The following DOCK1 variants were observed in gnomAD, a reference collection of about 807,000 sequenced individuals.
DOCK1 encodes the protein dedicator of cytokinesis protein 1.
DOCK1 carries 138 observed loss-of-function variants against 262.7 expected under a neutral mutation model. That is an observed-to-expected ratio of 0.53 (90% confidence interval 0.46 to 0.61). The LOEUF (loss-of-function observed/expected upper bound fraction) is 0.61. Ranked by LOEUF, DOCK1 falls within the 20% of genes least tolerant of loss-of-function variation. The probability of loss-of-function intolerance (pLI) is 0.00; values close to 1 mark genes in which losing one functional copy is unlikely to be tolerated. For missense variants in DOCK1, 1,908 were observed against 2,370.7 expected (o/e 0.80, Z 4.05); for synonymous variants, 866 against 867.4 (o/e 1.00, Z 0.03).
At chr10:127,332,196 G>A (rs2063014574) in intron 29 of DOCK1, among the ~76,000 whole-genome samples, 1 of 152,192 alleles carries the variant, frequency 6.6e-6, no homozygotes, top group Non-Finnish European at 1.5e-5. Context: ...CCCAAGTGGG[G>A]ATGACACGGC....
intron 7 of DOCK1, 144 bp downstream of exon 7, chr10:126,997,027 G>A (rs2040247341): frequency 5.5e-6 from 5 of 901,360 alleles, no homozygotes; most frequent in Non-Finnish European, 6.3e-6. Context: ...ACAGTCATGA[G>A]TGGAATGGAG....
intron 1 of DOCK1, among the ~76,000 whole-genome samples, chr10:126,934,690 C>CT (rs1227817855): frequency 1.4e-5 from 2 of 146,742 alleles, no homozygotes; most frequent in Admixed American, 6.8e-5. Flanking sequence ...TGCTGTGAGT[C>CT]TAACTTTGTG....
At chr10:127,039,250 T>C (rs1056566504) in intron 19 of DOCK1, among the ~76,000 whole-genome samples, 1 of 150,178 alleles carries the variant, frequency 6.7e-6, no homozygotes, top group Admixed American at 6.8e-5. Context: ...TAAACTTCCC[T>C]GTGTTCTGTA....
chr10:126,983,485 T>A lies in DOCK1; in HGVS notation c.227+1512T>A, dbSNP rs1393818060. 2.0e-5 allele frequency among the ~76,000 whole-genome samples: 3 copies of A among 152,216 alleles called. No homozygotes were observed. The South Asian group carries it at 6.2e-4, about 32-fold the overall frequency. ...CTGTCTCTCTTGCAGAGTCTGTCTC[T>A]TTCAGGATCTGTCTCTTGCTGGTCT... On this transcript the variant is annotated intron_variant, in intron 4 of 51. Coordinates refer to ENST00000623213, the MANE Select transcript of DOCK1 (RefSeq NM_001290223.2).
chr10:127,088,052 T>C (rs2047301404), intron 23 of DOCK1, among the ~76,000 whole-genome samples: 1 of 152,234 alleles, frequency 6.6e-6, no homozygotes, highest in Non-Finnish European at 1.5e-5. Context: ...TACAAATGCG[T>C]AGTGAAAGGC....
intron 29 of DOCK1, among the ~76,000 whole-genome samples, chr10:127,259,856 C>G (rs1424736585): frequency 6.7e-6 from 1 of 150,074 alleles, no homozygotes; most frequent in Non-Finnish European, 1.5e-5. Flanking sequence ...GCATCATTCT[C>G]TCTTCCTACT....
chr10:127,226,079 C>CAAAA (rs58963480), intron 27 of DOCK1, among the ~76,000 whole-genome samples: 1 of 94,606 alleles, frequency 1.1e-5, no homozygotes, highest in African/African-American at 3.8e-5. Context: ...GACTCTGTCT[C>CAAAA]AAAAAAAAAA....
chr10:127,052,997 C>T (rs564979244), intron 22 of DOCK1, among the ~76,000 whole-genome samples, 182 bp downstream of exon 22: 3 of 152,278 alleles, frequency 2.0e-5, no homozygotes, highest in South Asian at 2.1e-4. Context: ...CTTTCCTTAC[C>T]CGCCTGGGTC....
At chr10:127,225,805 A>G (rs2058613122) in intron 27 of DOCK1, among the ~76,000 whole-genome samples, 1 of 152,170 alleles carries the variant, frequency 6.6e-6, no homozygotes, top group Non-Finnish European at 1.5e-5. Flanking sequence ...TTGGACGGGC[A>G]TGGTGGCTCA....
chr10:127,309,552 C>G (rs1334569994), intron 29 of DOCK1, among the ~76,000 whole-genome samples: 1 of 152,096 alleles, frequency 6.6e-6, no homozygotes, highest in Non-Finnish European at 1.5e-5. Context: ...AGGTTTTCTT[C>G]TAGGGTTTTT....
At chr10:127,062,959 G>A (rs1336742026) in intron 23 of DOCK1, among the ~76,000 whole-genome samples, 1 of 152,114 alleles carries the variant, frequency 6.6e-6, no homozygotes, top group African/African-American at 2.4e-5. Flanking sequence ...CTCACATGAG[G>A]CCTGAGTGTT....
intron 29 of DOCK1, among the ~76,000 whole-genome samples, chr10:127,281,104 C>T (rs992287873): frequency 6.6e-6 from 1 of 152,218 alleles, no homozygotes; most frequent in Non-Finnish European, 1.5e-5. Context: ...GTGTTTCCAA[C>T]GTGGCTGGAA....
At chr10:127,232,700 C>T (rs969447969) in intron 27 of DOCK1, among the ~76,000 whole-genome samples, 28 of 152,116 alleles carry the variant, frequency 1.8e-4, no homozygotes, top group African/African-American at 6.8e-4. Context: ...GGTTGAAATT[C>T]AAAACAAGTG....
chr10:127,094,392 G>GC (rs768979635), intron 23 of DOCK1, among the ~76,000 whole-genome samples: 31 of 152,138 alleles, frequency 2.0e-4, no homozygotes, highest in Non-Finnish European at 1.0e-4. Flanking sequence ...CGGGTGGGGA[G>GC]CCAGGGGCTT....
rs147355486 is a variant in DOCK1 at position 127,298,438 on chromosome 10, G to A, written c.3045-40568G>A. Among the ~76,000 whole-genome samples, 87 of 152,294 alleles carry A rather than the reference G, an allele frequency of 5.7e-4. 2 individuals are homozygous for A. Among genetic ancestry groups the A allele is most frequent in the Admixed American group, 2.7e-3 (41 of 15,294 alleles). ...TCTTTTTGTTAAATTACTGCTCCTGGTTCAGTTAGGAGGGAGTTTTCCCTT... is the reference window on the plus strand; with the variant it reads ...TCTTTTTGTTAAATTACTGCTCCTGATTCAGTTAGGAGGGAGTTTTCCCTT... On this transcript the variant is annotated intron_variant, in intron 29 of 51. Transcript: ENST00000623213.
In DOCK1 at chr10:127,451,546, ACT is replaced by A; in HGVS notation, c.*120_*121del. On this transcript the variant is annotated 3_prime_UTR_variant, in exon 52 of 52. Coordinates refer to ENST00000623213, the MANE Select transcript of DOCK1 (RefSeq NM_001290223.2). ...GCCTGTGATGTTAACATTTCGTGCG[ACT>A]GCTTTTTCTTCAAAGGAGTTCAGTT... The A allele has an allele frequency of 6.6e-7, 1 of 1,518,216 alleles. No homozygotes were observed. The highest frequency in any genetic ancestry group is 8.8e-7 in the Non-Finnish European group (1 of 1,133,954). 94.0% of individuals were successfully genotyped at this position (1,518,216 alleles called of 1,614,324 possible). A position where few individuals can be genotyped will look rare whatever the true frequency, so the allele number is the denominator to read the frequency against.
intron 27 of DOCK1, among the ~76,000 whole-genome samples, chr10:127,162,770 C>T (rs542831093): frequency 6.6e-6 from 1 of 152,350 alleles, no homozygotes; most frequent in African/African-American, 2.4e-5. Flanking sequence ...CCGGCCTCCC[C>T]AGGCCTGCCA....
chr10:127,407,882 G>A (rs1411917307), intron 40 of DOCK1, among the ~76,000 whole-genome samples: 4 of 152,152 alleles, frequency 2.6e-5, no homozygotes, highest in Admixed American at 2.6e-4. Context: ...GCTTCTGCTC[G>A]CTGTCTTCTC....
chr10:127,153,901 C>T, intron 27 of DOCK1: 2 of 1,613,998 alleles, frequency 1.2e-6, no homozygotes, highest in Non-Finnish European at 1.7e-6. Context: ...TTAGCTGTGT[C>T]TTGCCCCGTC....
Sources: allele counts gnomAD v4.1 joint callset (sites outside exome capture counted in the v4.1 genomes callset), GRCh38; gene constraint gnomAD v4.1.1; transcripts MANE v1.5; gene names NCBI Gene and HGNC (gene_info 2026-07-23, HGNC 2026-07-21).